ULK4: variants seen among roughly 807,000 people sequenced by gnomAD.
ULK4 encodes the protein inactive serine/threonine-protein kinase ULK4.
In ULK4, 133 loss-of-function variants were observed where a neutral mutation model predicts 160.6. The observed-to-expected ratio is 0.83, with a 90% CI of 0.72 to 0.96. ULK4 has a LOEUF of 0.96. Among genes scored for constraint, ULK4 ranks in the 40% least tolerant of loss-of-function variants. The pLI, the probability that ULK4 is intolerant of heterozygous loss-of-function variation, is 0.00. For synonymous variants in ULK4, 534 were observed against 539.8 expected (o/e 0.99, Z 0.15); for missense variants, 1,580 against 1,499.5 (o/e 1.05, Z -0.89).
intron 18 of ULK4, among the ~76,000 whole-genome samples, chr3:41,830,632 A>G (rs1360978620): frequency 2.0e-5 from 3 of 152,134 alleles, no homozygotes; most frequent in Non-Finnish European, 4.4e-5. Context: ...TATAGGACCA[A>G]AAAAAGAAGA....
intron 31 of ULK4, among the ~76,000 whole-genome samples, chr3:41,579,395 T>C (rs2030047660): frequency 6.6e-6 from 1 of 151,514 alleles, no homozygotes; most frequent in African/African-American, 2.4e-5. Context: ...CCAATGAGGC[T>C]AAGCTCAGAA....
At chr3:41,717,363 GAA>G (rs747107000) in intron 23 of ULK4, among the ~76,000 whole-genome samples, 8 of 151,714 alleles carry the variant, frequency 5.3e-5, no homozygotes, top group African/African-American at 1.2e-4. Flanking sequence ...AATTTCAAGA[GAA>G]AATTCTTTTC....
chr3:41,868,059 T>TCA (rs1696961144), intron 17 of ULK4, among the ~76,000 whole-genome samples: 1 of 152,232 alleles, frequency 6.6e-6, no homozygotes, highest in Non-Finnish European at 1.5e-5. Context: ...TAGTGACTAT[T>TCA]CAGTATGCTT....
intron 32 of ULK4, among the ~76,000 whole-genome samples, chr3:41,501,785 G>T (rs1334342112): frequency 6.6e-6 from 1 of 152,004 alleles, no homozygotes; most frequent in Non-Finnish European, 1.5e-5. Flanking sequence ...CTGAAACTTT[G>T]TGTGTTTTAA....
At chr3:41,461,273 A>C (rs1185680897) in intron 33 of ULK4, among the ~76,000 whole-genome samples, 2 of 152,250 alleles carry the variant, frequency 1.3e-5, no homozygotes, top group African/African-American at 4.8e-5. Flanking sequence ...CTCTTATTAG[A>C]AATAGATACA....
intron 22 of ULK4, among the ~76,000 whole-genome samples, chr3:41,733,008 A>G (rs1005305683): frequency 6.6e-6 from 1 of 152,134 alleles, no homozygotes; most frequent in Non-Finnish European, 1.5e-5. Context: ...TTACAGTTCG[A>G]TAGGGAAAAT....
At chr3:41,324,612 C>T (rs569910774) in intron 35 of ULK4, among the ~76,000 whole-genome samples, 7 of 152,154 alleles carry the variant, frequency 4.6e-5, no homozygotes, top group Non-Finnish European at 8.8e-5. Flanking sequence ...GCTTGCTCAC[C>T]TATTCAGAAG....
intron 35 of ULK4, among the ~76,000 whole-genome samples, chr3:41,395,696 A>G (rs369181480): frequency 1.3e-5 from 2 of 152,180 alleles, no homozygotes; most frequent in East Asian, 1.9e-4. Flanking sequence ...GTGGAGATGG[A>G]TAATAGTGAT....
intron 30 of ULK4, among the ~76,000 whole-genome samples, chr3:41,662,053 A>C (rs1276447319): frequency 2.0e-5 from 3 of 152,234 alleles, no homozygotes; most frequent in Non-Finnish European, 4.4e-5. Flanking sequence ...ATTAGGATAC[A>C]GTATTCGCAC....
At chr3:41,847,536 C>A (rs922440939) in intron 17 of ULK4, among the ~76,000 whole-genome samples, 3 of 152,188 alleles carry the variant, frequency 2.0e-5, no homozygotes, top group Non-Finnish European at 4.4e-5. Context: ...AACAACACAA[C>A]TTTTAAAATA....
At chr3:41,413,680 A>G (rs911512118) in intron 34 of ULK4, among the ~76,000 whole-genome samples, 2 of 152,114 alleles carry the variant, frequency 1.3e-5, no homozygotes, top group African/African-American at 4.8e-5. Context: ...GGCAATGTAC[A>G]TCTTATAAAT....
chr3:41,707,851 C>T (rs1301014472), intron 25 of ULK4, among the ~76,000 whole-genome samples: 1 of 150,718 alleles, frequency 6.6e-6, no homozygotes, highest in Non-Finnish European at 1.5e-5. Flanking sequence ...AAAAAAAAGT[C>T]AAAGGATTGA....
chr3:41,798,819 T>C (rs2040374255), intron 20 of ULK4, among the ~76,000 whole-genome samples: 1 of 151,942 alleles, frequency 6.6e-6, no homozygotes, highest in Admixed American at 6.6e-5. Flanking sequence ...AAGGAAACAT[T>C]TGAGAGTCAG....
chr3:41,751,719 A>C (rs2038636960), intron 22 of ULK4, among the ~76,000 whole-genome samples: 1 of 152,210 alleles, frequency 6.6e-6, no homozygotes, highest in Admixed American at 6.5e-5. Flanking sequence ...TCTGAAGCTG[A>C]GGTTACAGGA....
intron 35 of ULK4, among the ~76,000 whole-genome samples, chr3:41,328,321 C>T (rs978984734): frequency 3.1e-4 from 47 of 152,204 alleles, no homozygotes; most frequent in African/African-American, 1.1e-3. Flanking sequence ...GTAAGAGGGC[C>T]AACTAGCTCT....
chr3:41,902,232 A>G (rs17218103), intron 12 of ULK4, among the ~76,000 whole-genome samples: 19,048 of 152,226 alleles, frequency 0.13, 1,371 homozygotes, highest in Middle Eastern at 0.27. Context: ...GAGTTAGCTA[A>G]GAAAGTTCCT....
At chr3:41,474,301 C>T (rs2084078017) in intron 32 of ULK4, among the ~76,000 whole-genome samples, 2 of 152,130 alleles carry the variant, frequency 1.3e-5, no homozygotes, top group South Asian at 4.1e-4. Context: ...ATCAGACATC[C>T]ATATGTAGAA....
At chr3:41,282,404 A>G (rs1169652203) in intron 35 of ULK4, among the ~76,000 whole-genome samples, 1 of 152,224 alleles carries the variant, frequency 6.6e-6, no homozygotes, top group South Asian at 2.1e-4. Flanking sequence ...AAACTATACT[A>G]CAAGGCTACA....
intron 35 of ULK4, among the ~76,000 whole-genome samples, chr3:41,293,296 T>G (rs17267020): frequency 0.31 from 46,344 of 151,536 alleles, 7,374 homozygotes; most frequent in Middle Eastern, 0.35. Flanking sequence ...AAAAAAAACA[T>G]GAAAAACAAA....
Sources: allele counts gnomAD v4.1 joint callset (sites outside exome capture counted in the v4.1 genomes callset), GRCh38; gene constraint gnomAD v4.1.1; transcripts MANE v1.5; gene names NCBI Gene and HGNC (gene_info 2026-07-23, HGNC 2026-07-21).